Variants in TLDC2 observed in about 807,000 individuals in gnomAD.
TLDC2 encodes TBC/LysM-associated domain containing 2, also known as TLD domain-containing protein 2.
Under a neutral mutation model 27.9 loss-of-function variants are expected in TLDC2, and 23 were observed. The ratio of observed to expected loss-of-function variants is 0.82; its 90% CI spans 0.59 to 1.17. The LOEUF (loss-of-function observed/expected upper bound fraction) is 1.17. Among genes scored for constraint, TLDC2 ranks in the 50% most tolerant of loss-of-function variants. The pLI, the probability that TLDC2 is intolerant of heterozygous loss-of-function variation, is 0.00. For synonymous variants in TLDC2, 124 were observed against 107.4 expected (o/e 1.16, Z -0.96); for missense variants, 286 against 273.4 (o/e 1.05, Z -0.32).
At chr20:36,881,512 G>A (rs1022204806) in intron 4 of TLDC2, among the ~76,000 whole-genome samples, 3 of 152,230 alleles carry the variant, frequency 2.0e-5, no homozygotes, top group Non-Finnish European at 4.4e-5. Context: ...AAGCGCCGCT[G>A]GGCCGTGTGA....
At chr20:36,892,645 A>G in intron 6 of TLDC2, 1 of 418,392 alleles carries the variant, frequency 2.4e-6, no homozygotes, top group Non-Finnish European at 4.4e-6. Context: ...GAAAAAAAAT[A>G]GAGTTCAGAA....
intron 4 of TLDC2, among the ~76,000 whole-genome samples, chr20:36,881,199 T>C (rs1291305188): frequency 6.6e-6 from 1 of 151,932 alleles, no homozygotes; most frequent in Non-Finnish European, 1.5e-5. Flanking sequence ...GGCAACATAG[T>C]GAGACCCCCA....
intron 3 of TLDC2, among the ~76,000 whole-genome samples, chr20:36,879,884 T>C (rs1989761232): frequency 1.2e-5 from 1 of 84,640 alleles, no homozygotes; most frequent in Non-Finnish European, 3.0e-5. Flanking sequence ...AAACCCTGTC[T>C]GAAAAAAAAA....
Position 36,889,362 on chromosome 20 carries a change from G to T in TLDC2, c.624G>T (p.Glu208Asp). The change falls in exon 6 of 7, where the codon GAG (glutamate) becomes GAT (aspartate). Residue 208 changes from glutamate (E) to aspartate (D), a missense_variant. Physicochemically the swap from Glu to Asp is conservative, Grantham distance 45. Coordinates refer to ENST00000217320, the MANE Select transcript of TLDC2 (RefSeq NM_080628.3). ...LARQEQFCIQ[E>D]LEAWLLS The stretch of plus-strand genomic sequence containing the variant: ...GGCAGGAGCAGTTCTGCATCCAGGA[G>T]CTGGAGGCTTGGCTTCTCAGCTGAC... 6.2e-7 allele frequency: 1 copy of T among 1,614,132 alleles called. No individual in the cohort carries two copies. Among genetic ancestry groups the T allele is most frequent in the African/African-American group, 1.3e-5 (1 of 75,050 alleles).
intron 4 of TLDC2, among the ~76,000 whole-genome samples, chr20:36,886,577 G>A (rs773075812): frequency 2.6e-5 from 4 of 152,162 alleles, no homozygotes; most frequent in Non-Finnish European, 5.9e-5. Flanking sequence ...TGGCAAAAGA[G>A]CGAGACTCTG....
chr20:36,878,085 C>T (rs1248827230), intron 2 of TLDC2, 31 bp downstream of exon 2: 1 of 1,594,850 alleles, frequency 6.3e-7, no homozygotes, highest in Admixed American at 1.7e-5. Flanking sequence ...ACAAGAATTT[C>T]AGCCCTAAAC....
In TLDC2 at chr20:36,879,142, G is replaced by A. The variant is rs1436266540; in HGVS notation, c.291G>A (p.Met97Ile). The A allele has an allele frequency of 6.2e-7, 1 of 1,614,124 alleles. No homozygotes were observed. The highest frequency in any genetic ancestry group is 8.5e-7 in the Non-Finnish European group (1 of 1,180,028). ...GCCTGCAGAGCCTGTACCGGCGGAT[G>A]GAGGGCTGCAGCGGGCCAGTGCTGC... Reference protein sequence around the residue: ...GFSLQSLYRRMEGCSGPVLLV... With the variant: ...GFSLQSLYRRIEGCSGPVLLV... The change falls in exon 3 of 7, where the codon ATG becomes ATA. Residue 97 changes from methionine (M) to isoleucine (I), a missense_variant. Physicochemically the swap from Met to Ile is conservative, Grantham distance 10. Transcript: ENST00000217320.
intron 3 of TLDC2, 102 bp from the exon 4 acceptor site, chr20:36,880,553 G>A (rs1389996557): frequency 1.1e-5 from 10 of 914,560 alleles, no homozygotes; most frequent in Non-Finnish European, 1.7e-5. Flanking sequence ...AGCTTCCCAG[G>A]TGTCCTCTAG....
chr20:36,887,591 G>A, intron 5 of TLDC2, 63 bp downstream of exon 5: 1 of 1,481,814 alleles, frequency 6.7e-7, no homozygotes, highest in Non-Finnish European at 9.4e-7. Flanking sequence ...TCCCTCTGCC[G>A]AACTGCTGGG....
At chr20:36,887,266 G>A (rs552288737) in intron 4 of TLDC2, among the ~76,000 whole-genome samples, 189 bp from the exon 5 acceptor site, 1 of 152,228 alleles carries the variant, frequency 6.6e-6, no homozygotes, top group African/African-American at 2.4e-5. Flanking sequence ...TAGAGGGCAT[G>A]CGGTGGTGAC....
At chr20:36,890,549 C>A (rs1023350224) in intron 6 of TLDC2, 6 of 152,056 alleles carry the variant, frequency 3.9e-5, no homozygotes, top group African/African-American at 1.5e-4. Flanking sequence ...ACTGCAACCT[C>A]TGCCTCCCGG....
At chr20:36,883,421 G>A (rs1407345740) in intron 4 of TLDC2, among the ~76,000 whole-genome samples, 1 of 152,076 alleles carries the variant, frequency 6.6e-6, no homozygotes, top group African/African-American at 2.4e-5. Flanking sequence ...ACAGACATGA[G>A]TGCTGCATCT....
At chr20:36,883,337 A>G (rs1481673792) in intron 4 of TLDC2, among the ~76,000 whole-genome samples, 2 of 151,730 alleles carry the variant, frequency 1.3e-5, no homozygotes, top group East Asian at 1.9e-4. Context: ...TGGTTTTACT[A>G]TGTTGCCCAG....
At chr20:36,890,418 C>CTTTCT (rs1555830170) in intron 6 of TLDC2, 1 of 17,774 alleles carries the variant, frequency 5.6e-5, no homozygotes, top group Non-Finnish European at 2.2e-4. Flanking sequence ...TTCTTTCTTT[C>CTTTCT]TTTTCTTTCT....
rs1480486868 is a variant in TLDC2, at chr20:36,892,844, G to A, written c.*18-18G>A. ...TTCAAAATACAAAATTAAAGCATGA[G>A]TTGTCATTAATTTGCAGAATTCTAT... On this transcript the variant is annotated intron_variant, in intron 6 of 6. Transcript: ENST00000217320. The A allele has an allele frequency of 1.3e-6, 2 of 1,515,260 alleles. No individual in the cohort carries two copies. The highest frequency in any genetic ancestry group is 9.2e-7 in the Non-Finnish European group (1 of 1,089,950). The allele number at this position is 1,515,260 out of a possible 1,614,324, so 93.9% of individuals were successfully genotyped here.
intron 3 of TLDC2, 88 bp downstream of exon 3, chr20:36,879,281 C>A: frequency 6.8e-7 from 1 of 1,476,908 alleles, no homozygotes; most frequent in Non-Finnish European, 9.0e-7. Context: ...CAGGGACAAG[C>A]AGGCAGAGTG....
In TLDC2 at chr20:36,893,179, T is replaced by A; in HGVS notation, c.*335T>A. On this transcript the variant is annotated 3_prime_UTR_variant, in exon 7 of 7. Coordinates refer to ENST00000217320, the MANE Select transcript of TLDC2 (RefSeq NM_080628.3). ...CCTCATCTTGCATATAGATTGCTTC[T>A]AGCTGTCCTCAATCCAGGGAAACTC... 7.5e-7 allele frequency: 1 copy of A among 1,340,672 alleles called. No individual in the cohort carries two copies. The highest frequency in any genetic ancestry group is 1.0e-6 in the Non-Finnish European group (1 of 953,346). 83.0% of individuals were successfully genotyped at this position (1,340,672 alleles called of 1,614,324 possible). A position where few individuals can be genotyped will look rare whatever the true frequency, so the allele number is the denominator to read the frequency against.
chr20:36,889,324 G>A lies in TLDC2; in HGVS notation c.586G>A (p.Glu196Lys), dbSNP rs760931504. 11 of 1,614,188 alleles carry A rather than the reference G, an allele frequency of 6.8e-6. No homozygotes were observed. In the East Asian group the frequency reaches 8.9e-5, roughly 13 times the overall value. The change falls in exon 6 of 7, where the codon GAG (glutamate) becomes AAG (lysine). Residue 196 changes from glutamate (E) to lysine (K), a missense_variant. Coordinates refer to ENST00000217320, the MANE Select transcript of TLDC2 (RefSeq NM_080628.3). ...CTCCCCTTGCCCGACCTTCAACAAC[G>A]AGGTGCTGGCCCGGCAGGAGCAGTT... ...GSSPCPTFNN[E>K]VLARQEQFCI...
At chr20:36,876,618 A>G (rs1207908948) in intron 1 of TLDC2, among the ~76,000 whole-genome samples, 1 of 152,108 alleles carries the variant, frequency 6.6e-6, no homozygotes, top group Non-Finnish European at 1.5e-5. Context: ...GCACACACAT[A>G]CACATACATA....
Sources: allele counts gnomAD v4.1 joint callset (sites outside exome capture counted in the v4.1 genomes callset), GRCh38; gene constraint gnomAD v4.1.1; transcripts MANE v1.5; gene names NCBI Gene and HGNC (gene_info 2026-07-23, HGNC 2026-07-21).